GREM2: variants seen among roughly 807,000 people sequenced by gnomAD.
GREM2 encodes the protein gremlin-2.
A neutral mutation model predicts 14.2 loss-of-function variants in GREM2; 11 were observed. The ratio of observed to expected loss-of-function variants is 0.78; its 90% CI spans 0.49 to 1.28. GREM2 has a LOEUF of 1.28. GREM2 is among the 50% of genes most tolerant of loss of function. The pLI is 0.00. For synonymous variants in GREM2, 98 were observed against 97.6 expected, an observed-to-expected ratio of 1.00 and a Z score of -0.02; for missense variants, 210 against 218.5, an observed-to-expected ratio of 0.96 and a Z score of 0.24.
chr1:240,600,203 C>T lies in GREM2; in HGVS notation c.-2+11681G>A, dbSNP rs541900914. Among the ~76,000 whole-genome samples, 3 of 133,660 alleles carry T rather than the reference C, an allele frequency of 2.2e-5. No homozygotes were observed. The East Asian group carries it at 7.7e-4, about 35-fold the overall frequency. 87.7% of individuals were successfully genotyped at this position (133,660 alleles called of 152,430 possible). ...TAAAACACACAACTTTTTGGGCTATCGCTTCCTTATGTGTAAAACGAGATT... is the reference window on the plus strand; with the variant it reads ...TAAAACACACAACTTTTTGGGCTATTGCTTCCTTATGTGTAAAACGAGATT... On this transcript the variant is annotated intron_variant, in intron 1 of 1. Transcript: ENST00000318160.
chr1:240,539,907 C>T (rs1052679303), intron 1 of GREM2, among the ~76,000 whole-genome samples: 5 of 152,230 alleles, frequency 3.3e-5, no homozygotes, highest in African/African-American at 7.2e-5. Context: ...GTTGTTGATG[C>T]CTCCTCTTTT....
intron 1 of GREM2, among the ~76,000 whole-genome samples, chr1:240,563,717 C>A (rs1313421715): frequency 6.6e-6 from 1 of 152,182 alleles, no homozygotes; most frequent in Non-Finnish European, 1.5e-5. Context: ...TCTGTGCTAG[C>A]AGGACCACAT....
intron 1 of GREM2, among the ~76,000 whole-genome samples, chr1:240,552,283 A>G (rs1035188834): frequency 6.6e-6 from 1 of 152,148 alleles, no homozygotes; most frequent in Non-Finnish European, 1.5e-5. Context: ...ATTTCCCTAT[A>G]TAGAAAGACA....
intron 1 of GREM2, among the ~76,000 whole-genome samples, chr1:240,501,976 A>T (rs901082334): frequency 2.0e-5 from 3 of 150,610 alleles, no homozygotes; most frequent in African/African-American, 7.3e-5. Flanking sequence ...GTACCTAAAT[A>T]TTTTTTTTTT....
At chr1:240,599,267 CAAA>C (rs11413068) in intron 1 of GREM2, among the ~76,000 whole-genome samples, 3 of 119,120 alleles carry the variant, frequency 2.5e-5, no homozygotes, top group Non-Finnish European at 3.5e-5. Flanking sequence ...GACTCTGTCT[CAAA>C]AAAAAAAAAA....
chr1:240,608,022 C>A (rs1022324183), intron 1 of GREM2, among the ~76,000 whole-genome samples: 1 of 152,174 alleles, frequency 6.6e-6, no homozygotes, highest in African/African-American at 2.4e-5. Flanking sequence ...TTGTTATTAT[C>A]TTATAATTAT....
At chr1:240,539,543 A>G (rs1351854329) in intron 1 of GREM2, among the ~76,000 whole-genome samples, 1 of 152,210 alleles carries the variant, frequency 6.6e-6, no homozygotes, top group Non-Finnish European at 1.5e-5. Context: ...CTTCTTAACA[A>G]AAGAGATTTC....
Position 240,508,536 on chromosome 1 carries a change from A to C in GREM2, c.-1-15060T>G, listed in dbSNP as rs562288055. ...CCTAATTATAAATAATGTAAATAAA[A>C]AGGACTTCTACTGAACTTTTGAAGT... On this transcript the variant is annotated intron_variant, in intron 1 of 1. Transcript: ENST00000318160. Among the ~76,000 whole-genome samples the C allele has an allele frequency of 2.6e-5, 4 of 152,362 alleles. No homozygotes were observed. The East Asian group carries it at 7.7e-4, about 29-fold the overall frequency.
chr1:240,522,532 G>A (rs1444339534), intron 1 of GREM2, among the ~76,000 whole-genome samples: 5 of 152,122 alleles, frequency 3.3e-5, no homozygotes, highest in African/African-American at 1.2e-4. Context: ...AATCTTTAAA[G>A]GTCCCTAGAG....
intron 1 of GREM2, among the ~76,000 whole-genome samples, chr1:240,564,391 C>G (rs1307339730): frequency 6.7e-6 from 1 of 150,322 alleles, no homozygotes; most frequent in Admixed American, 6.6e-5. Flanking sequence ...GCCTGTAGTC[C>G]CAACTACTTG....
chr1:240,603,366 G>A lies in GREM2; in HGVS notation c.-2+8518C>T, dbSNP rs181950222. 9.2e-5 allele frequency among the ~76,000 whole-genome samples: 14 copies of A among 152,268 alleles called. No homozygotes were observed. In the East Asian group the frequency reaches 2.5e-3, roughly 27 times the overall value. ...AAACTAGAGCAAATTCAAGTAAACG[G>A]AAGAGATACACATCTCCTCTTCTCT... On this transcript the variant is annotated intron_variant, in intron 1 of 1. Transcript: ENST00000318160.
intron 1 of GREM2, among the ~76,000 whole-genome samples, chr1:240,541,393 G>C (rs1335184518): frequency 2.0e-5 from 3 of 152,190 alleles, no homozygotes; most frequent in African/African-American, 7.2e-5. Flanking sequence ...AGAGTCCTTT[G>C]CTTGCAGGAC....
intron 1 of GREM2, among the ~76,000 whole-genome samples, chr1:240,583,740 T>G (rs549990534): frequency 6.6e-6 from 1 of 152,220 alleles, no homozygotes; most frequent in African/African-American, 2.4e-5. Flanking sequence ...TAGCTGGGAC[T>G]ACAGGCATGC....
At chr1:240,518,741 C>T (rs1678008584) in intron 1 of GREM2, among the ~76,000 whole-genome samples, 1 of 152,200 alleles carries the variant, frequency 6.6e-6, no homozygotes, top group African/African-American at 2.4e-5. Context: ...CACTCTGCTC[C>T]TACTTCAAAA....
At chr1:240,523,774 A>G (rs1678158453) in intron 1 of GREM2, among the ~76,000 whole-genome samples, 1 of 152,182 alleles carries the variant, frequency 6.6e-6, no homozygotes, top group Non-Finnish European at 1.5e-5. Context: ...ATAAACTCCT[A>G]GAAGAAAAAT....
At chr1:240,504,170 A>T (rs2103281094) in intron 1 of GREM2, among the ~76,000 whole-genome samples, 1 of 152,366 alleles carries the variant, frequency 6.6e-6, no homozygotes, top group Non-Finnish European at 1.5e-5. Context: ...TAATTATTAA[A>T]AATGGAATAT....
chr1:240,531,855 C>A (rs145222002), intron 1 of GREM2, among the ~76,000 whole-genome samples: 7,320 of 151,402 alleles, frequency 0.048, 616 homozygotes, highest in African/African-American at 0.17. Context: ...ATTACAGGCG[C>A]CCGCCACCGT....
intron 1 of GREM2, among the ~76,000 whole-genome samples, chr1:240,578,739 A>T (rs1679420715): frequency 6.6e-6 from 1 of 151,944 alleles, no homozygotes; most frequent in African/African-American, 2.4e-5. Flanking sequence ...AGCCAAGATC[A>T]CGCCACTGTA....
chr1:240,526,623 C>T (rs1678227914), intron 1 of GREM2, among the ~76,000 whole-genome samples: 1 of 152,174 alleles, frequency 6.6e-6, no homozygotes, highest in Admixed American at 6.5e-5. Context: ...ACTGATCTCC[C>T]AGGCACTCTC....
Sources: allele counts gnomAD v4.1 joint callset (sites outside exome capture counted in the v4.1 genomes callset), GRCh38; gene constraint gnomAD v4.1.1; transcripts MANE v1.5; gene names NCBI Gene and HGNC (gene_info 2026-07-23, HGNC 2026-07-21).